The following STX7 variants were observed in gnomAD, a reference collection of about 807,000 sequenced individuals.
STX7 encodes the protein syntaxin-7.
A neutral mutation model predicts 39.6 loss-of-function variants in STX7; 34 were observed. The ratio of observed to expected loss-of-function variants is 0.86; its 90% CI spans 0.65 to 1.14. The LOEUF (loss-of-function observed/expected upper bound fraction) is 1.14. STX7 is among the 50% of genes most tolerant of loss of function. The pLI, the probability that STX7 is intolerant of heterozygous loss-of-function variation, is 0.00. For synonymous variants in STX7, 119 were observed against 99.1 expected (o/e 1.20, Z -1.19); for missense variants, 284 against 310.4 (o/e 0.92, Z 0.64).
At chr6:132,498,726 G>C (rs1214595269) in intron 2 of STX7, among the ~76,000 whole-genome samples, 1 of 152,084 alleles carries the variant, frequency 6.6e-6, no homozygotes, top group African/African-American at 2.4e-5. Flanking sequence ...TTACCAAATG[G>C]GGAAAAAAGT....
At chr6:132,500,350 C>G (rs1775528064) in intron 2 of STX7, among the ~76,000 whole-genome samples, 1 of 152,246 alleles carries the variant, frequency 6.6e-6, no homozygotes, top group Admixed American at 6.5e-5. Context: ...GCCCCAGATG[C>G]TGTGCTTCAG....
chr6:132,504,686 T>G (rs1336886407), intron 1 of STX7, among the ~76,000 whole-genome samples: 2 of 152,098 alleles, frequency 1.3e-5, no homozygotes, highest in Non-Finnish European at 2.9e-5. Context: ...CAAATCAAGT[T>G]TGTCATTTAG....
intron 1 of STX7, among the ~76,000 whole-genome samples, 193 bp downstream of exon 1, chr6:132,512,814 G>C (rs1482065953): frequency 6.6e-6 from 1 of 152,142 alleles, no homozygotes; most frequent in Non-Finnish European, 1.5e-5. Flanking sequence ...GCACCCGGCC[G>C]GGGGGCGTGG....
rs550466156 is a variant in STX7, at chr6:132,459,925, C to A, written c.*833G>T. The A allele has an allele frequency of 7.2e-5, 11 of 152,218 alleles. No homozygotes were observed. In the East Asian group the frequency reaches 1.3e-3, roughly 19 times the overall value. The allele number at this position is 152,218 out of a possible 1,614,324, so 9.4% of individuals were successfully genotyped here. A position where few individuals can be genotyped will look rare whatever the true frequency, so the allele number is the denominator to read the frequency against. The stretch of plus-strand genomic sequence containing the variant: ...ATAAGGGAAGGTAAATAATGGCCCA[C>A]AAAACCAGATGATATGGTTAAGATA... On this transcript the variant is annotated 3_prime_UTR_variant, in exon 10 of 10. Transcript: ENST00000367941.
At chr6:132,460,886 A>C in intron 9 of STX7, 36 bp from the exon 10 acceptor site, 1 of 1,578,434 alleles carries the variant, frequency 6.3e-7, no homozygotes, top group Non-Finnish European at 8.7e-7. Context: ...ACAAAAAAAC[A>C]TGTTTACAGA....
intron 2 of STX7, among the ~76,000 whole-genome samples, chr6:132,477,952 T>C (rs1774915372): frequency 6.6e-6 from 1 of 152,174 alleles, no homozygotes; most frequent in Admixed American, 6.5e-5. Flanking sequence ...ATAATTAAAC[T>C]TTTATGTTTC....
At chr6:132,503,732 A>C in intron 1 of STX7, 144 bp from the exon 2 acceptor site, 1 of 406,046 alleles carries the variant, frequency 2.5e-6, no homozygotes, top group Non-Finnish European at 4.4e-6. Flanking sequence ...AAATAGCAAA[A>C]CTCTCATGTC....
At chr6:132,486,731 AC>A (rs1322172010) in intron 2 of STX7, among the ~76,000 whole-genome samples, 2 of 138,808 alleles carry the variant, frequency 1.4e-5, no homozygotes, top group Admixed American at 1.6e-4. Flanking sequence ...CAGTGGCGTG[AC>A]CTCAGCTTAC....
intron 2 of STX7, among the ~76,000 whole-genome samples, chr6:132,480,815 C>T (rs1036573585): frequency 1.3e-5 from 2 of 152,154 alleles, no homozygotes; most frequent in African/African-American, 4.8e-5. Context: ...CAAACTGCAG[C>T]CTGTGATCAG....
chr6:132,477,034 T>C (rs113586776), intron 2 of STX7, among the ~76,000 whole-genome samples: 234 of 152,242 alleles, frequency 1.5e-3, no homozygotes, highest in Middle Eastern at 6.8e-3. Context: ...TATTACAAAA[T>C]GCAGGATAAT....
At chr6:132,498,920 T>C (rs1775484727) in intron 2 of STX7, among the ~76,000 whole-genome samples, 1 of 152,222 alleles carries the variant, frequency 6.6e-6, no homozygotes, top group African/African-American at 2.4e-5. Flanking sequence ...ACTAAATTCA[T>C]GGCCCCAAAT....
chr6:132,507,535 G>A (rs927437574), intron 1 of STX7, among the ~76,000 whole-genome samples: 3 of 152,100 alleles, frequency 2.0e-5, no homozygotes, highest in African/African-American at 7.2e-5. Context: ...TTGCTATTCT[G>A]GACATTTCAT....
intron 2 of STX7, among the ~76,000 whole-genome samples, chr6:132,486,211 C>T (rs1279724427): frequency 6.6e-6 from 1 of 152,024 alleles, no homozygotes. Flanking sequence ...TTTATATTAT[C>T]CATCTGCACT....
rs143026048 is a variant in STX7, at chr6:132,456,728, G to A, written c.*4030C>T. 1 of 152,312 alleles carries A rather than the reference G, an allele frequency of 6.6e-6. No homozygotes were observed. The highest frequency in any genetic ancestry group is 1.9e-4 in the East Asian group (1 of 5,184). 9.4% of individuals were successfully genotyped at this position (152,312 alleles called of 1,614,324 possible). A position where few individuals can be genotyped will look rare whatever the true frequency, so the allele number is the denominator to read the frequency against. On this transcript the variant is annotated 3_prime_UTR_variant, in exon 10 of 10. Transcript: ENST00000367941. ...GAAAATTCTGAGGCTTCCACTTCACGTGGTTTGAACTGTACATCTCAGTGT... is the reference window on the plus strand; with the variant it reads ...GAAAATTCTGAGGCTTCCACTTCACATGGTTTGAACTGTACATCTCAGTGT...
intron 2 of STX7, among the ~76,000 whole-genome samples, chr6:132,481,118 T>C (rs1239598356): frequency 6.6e-6 from 1 of 152,202 alleles, no homozygotes; most frequent in East Asian, 1.9e-4. Context: ...GAGTTCTCGT[T>C]GCATGAGGGA....
chr6:132,510,063 TA>T (rs1320774042), intron 1 of STX7, among the ~76,000 whole-genome samples: 1 of 152,194 alleles, frequency 6.6e-6, no homozygotes, highest in African/African-American at 2.4e-5. Context: ...TTATAGTGGT[TA>T]CTAGAAGCAG....
intron 1 of STX7, among the ~76,000 whole-genome samples, chr6:132,510,616 A>G (rs1481681643): frequency 4.6e-5 from 7 of 152,236 alleles, no homozygotes; most frequent in African/African-American, 7.2e-5. Context: ...ACACCTTTCA[A>G]ATGTTCAAAA....
intron 9 of STX7, among the ~76,000 whole-genome samples, chr6:132,462,676 A>T (rs915625672): frequency 1.3e-5 from 2 of 151,906 alleles, no homozygotes; most frequent in Non-Finnish European, 1.5e-5. Flanking sequence ...ATATAGTGAT[A>T]TTAATTTCAC....
chr6:132,508,111 G>A (rs1775753494), intron 1 of STX7, among the ~76,000 whole-genome samples: 1 of 152,214 alleles, frequency 6.6e-6, no homozygotes, highest in African/African-American at 2.4e-5. Context: ...ACCCTACACA[G>A]AGGAAAGTTA....
Sources: allele counts gnomAD v4.1 joint callset (sites outside exome capture counted in the v4.1 genomes callset), GRCh38; gene constraint gnomAD v4.1.1; transcripts MANE v1.5; gene names NCBI Gene and HGNC (gene_info 2026-07-23, HGNC 2026-07-21).